NR3C2: variants seen among roughly 807,000 people sequenced by gnomAD.
The protein encoded by NR3C2 is nuclear receptor subfamily 3 group C member 2.
NR3C2 carries 15 observed loss-of-function variants against 86.4 expected under a neutral mutation model. The ratio of observed to expected loss-of-function variants is 0.17; its 90% CI spans 0.12 to 0.27. The LOEUF (loss-of-function observed/expected upper bound fraction) is 0.27. NR3C2 is among the 10% of genes least tolerant of loss of function. The probability of loss-of-function intolerance (pLI) is 1.00; values close to 1 mark genes in which losing one functional copy is unlikely to be tolerated. For synonymous variants in NR3C2, 458 were observed against 450.5 expected (o/e 1.02, Z -0.21); for missense variants, 960 against 1,195.6 (o/e 0.80, Z 2.91).
intron 2 of NR3C2, among the ~76,000 whole-genome samples, chr4:148,381,675 A>G (rs956437869): frequency 6.6e-6 from 1 of 152,208 alleles, no homozygotes; most frequent in Non-Finnish European, 1.5e-5. Flanking sequence ...TCAGAAATCA[A>G]AAGCTCAAAG....
intron 2 of NR3C2, among the ~76,000 whole-genome samples, chr4:148,351,437 C>T (rs1041909165): frequency 6.6e-6 from 1 of 152,192 alleles, no homozygotes; most frequent in African/African-American, 2.4e-5. Context: ...GCCACCGCAT[C>T]CAGCCTAATT....
chr4:148,263,650 T>G (rs1740238991), intron 2 of NR3C2, among the ~76,000 whole-genome samples: 1 of 152,220 alleles, frequency 6.6e-6, no homozygotes, highest in Non-Finnish European at 1.5e-5. Context: ...ACTATCAGTC[T>G]TCTCCTTCAG....
intron 3 of NR3C2, among the ~76,000 whole-genome samples, chr4:148,218,329 A>G (rs1737651892): frequency 6.6e-6 from 1 of 152,238 alleles, no homozygotes; most frequent in South Asian, 2.1e-4. Flanking sequence ...AACATATTAT[A>G]GTTGAATAGT....
chr4:148,270,618 C>T (rs1437514404), intron 2 of NR3C2, among the ~76,000 whole-genome samples: 1 of 152,118 alleles, frequency 6.6e-6, no homozygotes, highest in African/African-American at 2.4e-5. Flanking sequence ...AAGATGACAT[C>T]AAAGAATGTG....
chr4:148,194,611 G>A (rs1736353567), intron 4 of NR3C2, 135 bp downstream of exon 4: 1 of 648,836 alleles, frequency 1.5e-6, no homozygotes, highest in Non-Finnish European at 2.7e-6. Context: ...GTTTTAGCAT[G>A]AAAACAGAAC....
chr4:148,269,874 T>C (rs963492460), intron 2 of NR3C2, among the ~76,000 whole-genome samples: 5 of 152,214 alleles, frequency 3.3e-5, no homozygotes. Context: ...TATTCATAAA[T>C]ACAGTGGCTT....
At position 148,268,963 on chromosome 4, in the gene NR3C2, T is replaced by C. The variant is rs146003798; in HGVS notation, c.1758-8846A>G. Among the ~76,000 whole-genome samples the C allele has an allele frequency of 7.4e-3, 1,127 of 152,226 alleles. 9 individuals carry two copies. The highest frequency in any genetic ancestry group is 0.011 in the Non-Finnish European group (781 of 68,026). On this transcript the variant is annotated intron_variant, in intron 2 of 8. Coordinates refer to ENST00000358102, the MANE Select transcript of NR3C2 (RefSeq NM_000901.5). ...AGTGAACTGAAAACTCCAGGGACCA[T>C]TGGACAGGGCAAGCTTGAAAAACAT... is the stretch of plus-strand genomic sequence containing the variant.
At chr4:148,204,653 A>G (rs1446989832) in intron 3 of NR3C2, among the ~76,000 whole-genome samples, 1 of 152,200 alleles carries the variant, frequency 6.6e-6, no homozygotes, top group Non-Finnish European at 1.5e-5. Flanking sequence ...ATATTCTTAT[A>G]CCAACAGGAC....
rs754415059 is a variant in NR3C2 at position 148,295,583 on chromosome 4, G to C, written c.1758-35466C>G. Among the ~76,000 whole-genome samples the C allele has an allele frequency of 5.6e-4, 84 of 149,456 alleles. 1 individual carries two copies. The highest frequency in any genetic ancestry group is 2.8e-4 in the Non-Finnish European group (19 of 67,536). ...CCAAAACTCCTGCCTAGCCTGTAAG[G>C]CCATGCCTCACTGCCAGCCTCTCCA... On this transcript the variant is annotated intron_variant, in intron 2 of 8. Transcript: ENST00000358102.
intron 3 of NR3C2, among the ~76,000 whole-genome samples, chr4:148,216,243 T>C (rs1316654469): frequency 1.3e-5 from 2 of 152,074 alleles, no homozygotes; most frequent in Non-Finnish European, 2.9e-5. Flanking sequence ...CCCAACCATT[T>C]AGTTCCCAGT....
chr4:148,111,809 T>C (rs1490124910), intron 8 of NR3C2, among the ~76,000 whole-genome samples: 4 of 152,210 alleles, frequency 2.6e-5, no homozygotes, highest in Admixed American at 6.5e-5. Context: ...CAGAGCGATA[T>C]AGAAAGTAAT....
At position 148,140,674 on chromosome 4, in the gene NR3C2, T is replaced by C. The variant is rs549192060; in HGVS notation, c.2510+11795A>G. Among the ~76,000 whole-genome samples, 155 of 152,342 alleles carry C rather than the reference T, an allele frequency of 1.0e-3. 1 individual carries two copies. The highest frequency in any genetic ancestry group is 3.6e-3 in the African/African-American group (149 of 41,588). Reference sequence around the variant, plus strand: ...TGCTAATATTAGCCACACTAAGCCTTTTGAAGATAATATATGATCTTAAAC... The same window carrying C: ...TGCTAATATTAGCCACACTAAGCCTCTTGAAGATAATATATGATCTTAAAC... On this transcript the variant is annotated intron_variant, in intron 6 of 8. Coordinates refer to ENST00000358102, the MANE Select transcript of NR3C2 (RefSeq NM_000901.5).
chr4:148,241,084 T>A (rs1479535099), intron 3 of NR3C2, among the ~76,000 whole-genome samples: 1 of 151,842 alleles, frequency 6.6e-6, no homozygotes, highest in African/African-American at 2.4e-5. Flanking sequence ...CGTGGGAGGA[T>A]CACCTGAGGT....
At chr4:148,342,733 A>C (rs1345945484) in intron 2 of NR3C2, among the ~76,000 whole-genome samples, 1 of 152,204 alleles carries the variant, frequency 6.6e-6, no homozygotes, top group East Asian at 1.9e-4. Flanking sequence ...GTAGCATTAA[A>C]GAACTGTGAA....
intron 3 of NR3C2, among the ~76,000 whole-genome samples, chr4:148,219,551 A>G (rs1169986836): frequency 6.6e-6 from 1 of 152,172 alleles, no homozygotes; most frequent in African/African-American, 2.4e-5. Context: ...TCATGCTTTT[A>G]TGAGTATACA....
intron 2 of NR3C2, among the ~76,000 whole-genome samples, chr4:148,409,151 T>C (rs1481028651): frequency 1.3e-5 from 2 of 152,174 alleles, no homozygotes; most frequent in Non-Finnish European, 2.9e-5. Flanking sequence ...GCCAAACGGC[T>C]TTCCAGAAAG....
intron 3 of NR3C2, among the ~76,000 whole-genome samples, chr4:148,232,140 T>A (rs1448054584): frequency 6.6e-6 from 1 of 152,216 alleles, no homozygotes; most frequent in Non-Finnish European, 1.5e-5. Context: ...ATGAATCGTT[T>A]ATGTTTTGGA....
chr4:148,348,398 A>G (rs1161711016), intron 2 of NR3C2, among the ~76,000 whole-genome samples: 1 of 152,138 alleles, frequency 6.6e-6, no homozygotes, highest in Non-Finnish European at 1.5e-5. Flanking sequence ...TGTTTTTTAT[A>G]TCTCCAGCAC....
intron 2 of NR3C2, among the ~76,000 whole-genome samples, chr4:148,262,509 C>T (rs551525639): frequency 2.6e-4 from 39 of 152,256 alleles, no homozygotes; most frequent in Middle Eastern, 3.4e-3. Context: ...CTTTCCCTGC[C>T]TCCAAACGTG....
Sources: gnomAD v4.1 joint callset for allele counts (sites outside exome capture counted in the v4.1 genomes callset) on GRCh38, gnomAD v4.1.1 for gene constraint, MANE v1.5 for transcripts, NCBI Gene and HGNC (gene_info 2026-07-23, HGNC 2026-07-21) for gene names.